The following SLC31A1 variants were observed in gnomAD, a reference collection of about 807,000 sequenced individuals.
SLC31A1 encodes solute carrier family 31 member 1.
A neutral mutation model predicts 17.2 loss-of-function variants in SLC31A1; 5 were observed. The observed-to-expected ratio is 0.29, with a 90% CI of 0.15 to 0.61. SLC31A1 has a LOEUF of 0.61. SLC31A1 is among the 20% of genes least tolerant of loss of function. The probability of loss-of-function intolerance (pLI) is 0.86; values close to 1 mark genes in which losing one functional copy is unlikely to be tolerated. For synonymous variants in SLC31A1, 76 were observed against 78.8 expected, an observed-to-expected ratio of 0.96 and a Z score of 0.19; for missense variants, 161 against 241.4, an observed-to-expected ratio of 0.67 and a Z score of 2.21.
Position 113,262,774 on chromosome 9 carries a change from T to G in SLC31A1, c.*2301T>G, listed in dbSNP as rs1831808315. On this transcript the variant is annotated 3_prime_UTR_variant, in exon 5 of 5. Transcript: ENST00000374212. Reference sequence around the variant, plus strand: ...CAAGGAGTCATAAAACCATGAGAAATAAATAGGAATCAATAGTTAGTAGTG... The same window carrying G: ...CAAGGAGTCATAAAACCATGAGAAAGAAATAGGAATCAATAGTTAGTAGTG... 6.6e-6 allele frequency: 1 copy of G among 152,524 alleles called. No homozygotes were observed. Among genetic ancestry groups the G allele is most frequent in the African/African-American group, 2.4e-5 (1 of 41,400 alleles). The allele number at this position is 152,524 out of a possible 1,614,324, so 9.4% of individuals were successfully genotyped here. A position where few individuals can be genotyped will look rare whatever the true frequency, so the allele number is the denominator to read the frequency against.
At position 113,258,774 on chromosome 9, in the gene SLC31A1, C is replaced by G; in HGVS notation, c.283C>G (p.Arg95Gly). Reference protein sequence around the residue: ...GLKIARESLLRKSQVSIRYNS... With the variant: ...GLKIARESLLGKSQVSIRYNS... ...CAAGATAGCCCGAGAGAGCCTGCTG[C>G]GTAAGTCACAAGTCAGCATTCGCTA... The change falls in exon 4 of 5, where the codon CGT becomes GGT. Residue 95 changes from arginine to glycine, a missense_variant. Coordinates refer to ENST00000374212, the MANE Select transcript of SLC31A1 (RefSeq NM_001859.4). This position sits in a 1 kb window ranked among gnomAD's most constrained non-coding sequence, Gnocchi z 4.8. The G allele has an allele frequency of 6.2e-7, 1 of 1,614,164 alleles. No individual in the cohort carries two copies. Among genetic ancestry groups the G allele is most frequent in the Non-Finnish European group, 8.5e-7 (1 of 1,180,004 alleles).
intron 1 of SLC31A1, among the ~76,000 whole-genome samples, chr9:113,225,502 C>A (rs10981695): frequency 6.6e-6 from 1 of 152,070 alleles, no homozygotes; most frequent in African/African-American, 2.4e-5. Context: ...TCTAATGGCC[C>A]CTAGAACATG....
At chr9:113,251,525 C>CTTAA (rs10679525) in intron 1 of SLC31A1, among the ~76,000 whole-genome samples, 22,270 of 151,926 alleles carry the variant, frequency 0.15, 1,883 homozygotes, top group East Asian at 0.33. Context: ...AGAAGCTGAG[C>CTTAA]TTAAGTCAGA....
intron 4 of SLC31A1, among the ~76,000 whole-genome samples, chr9:113,259,720 A>C (rs1831769442): frequency 6.6e-6 from 1 of 151,686 alleles, no homozygotes; most frequent in South Asian, 2.1e-4. Flanking sequence ...AAGTAGCTGG[A>C]ACTACAGGCA....
chr9:113,251,871 G>A (rs1188532372), intron 1 of SLC31A1, among the ~76,000 whole-genome samples: 2 of 152,154 alleles, frequency 1.3e-5, no homozygotes, highest in African/African-American at 2.4e-5. Context: ...TACAGTGTAT[G>A]TTTATATATT....
At chr9:113,239,992 C>T (rs562704381) in intron 1 of SLC31A1, among the ~76,000 whole-genome samples, 1 of 152,308 alleles carries the variant, frequency 6.6e-6, no homozygotes, top group Admixed American at 6.5e-5. Flanking sequence ...TTTCTTCTCT[C>T]GACTCAGGAA....
At chr9:113,244,944 C>A (rs1004312000) in intron 1 of SLC31A1, among the ~76,000 whole-genome samples, 1 of 152,010 alleles carries the variant, frequency 6.6e-6, no homozygotes, top group Admixed American at 6.6e-5. Flanking sequence ...TTCTTGTTGA[C>A]CTGACCTATT....
At position 113,258,689 on chromosome 9, in the gene SLC31A1, C is replaced by T; in HGVS notation, c.203-5C>T. 1 of 1,614,074 alleles carries T rather than the reference C, an allele frequency of 6.2e-7. No individual in the cohort carries two copies. Among genetic ancestry groups the T allele is most frequent in the Non-Finnish European group, 8.5e-7 (1 of 1,180,008 alleles). ...AGTACCTCCATATTTTCCTTCCATA[C>T]TTAGAAATGGCTGGAGCTTTTGTGG... is the stretch of plus-strand genomic sequence containing the variant. On this transcript the variant is annotated splice_region_variant and splice_polypyrimidine_tract_variant and intron_variant, in intron 3 of 4. Coordinates refer to ENST00000374212, the MANE Select transcript of SLC31A1 (RefSeq NM_001859.4). The surrounding 1 kb of genome is among the most constrained non-coding windows in gnomAD (Gnocchi z 4.8).
intron 1 of SLC31A1, among the ~76,000 whole-genome samples, chr9:113,231,437 A>T (rs1286602820): frequency 1.3e-5 from 2 of 151,920 alleles, no homozygotes; most frequent in Non-Finnish European, 2.9e-5. Context: ...AATGGTATGT[A>T]CCTATGTTCC....
chr9:113,234,973 T>C (rs764054495), intron 1 of SLC31A1, among the ~76,000 whole-genome samples: 2 of 152,056 alleles, frequency 1.3e-5, no homozygotes, highest in Non-Finnish European at 2.9e-5. Flanking sequence ...GGATAACAAA[T>C]AAAGCATGAT....
chr9:113,253,936 A>G (rs1831690616), intron 1 of SLC31A1, among the ~76,000 whole-genome samples: 3 of 150,364 alleles, frequency 2.0e-5, no homozygotes, highest in Admixed American at 6.7e-5. Flanking sequence ...CCCTGAATCT[A>G]TATAAATTTC....
chr9:113,258,539 C>T lies in SLC31A1; in HGVS notation c.203-155C>T, dbSNP rs1052943928. On this transcript the variant is annotated intron_variant, in intron 3 of 4. Transcript: ENST00000374212. The surrounding 1 kb of genome is among the most constrained non-coding windows in gnomAD (Gnocchi z 4.8). ...TAGTTTTCAGTTACACCATCTTAGC[C>T]GTTCTCCTATCTGAGCAAGAGAAGA... 1.3e-5 allele frequency among the ~76,000 whole-genome samples: 2 copies of T among 152,196 alleles called. No individual in the cohort carries two copies. Among genetic ancestry groups the T allele is most frequent in the African/African-American group, 2.4e-5 (1 of 41,450 alleles).
In SLC31A1 at chr9:113,239,841, C is replaced by T. The variant is rs180808353; in HGVS notation, c.-35-16273C>T. Among the ~76,000 whole-genome samples, 346 of 152,358 alleles carry T rather than the reference C, an allele frequency of 2.3e-3. 1 individual carries two copies. Among genetic ancestry groups the T allele is most frequent in the African/African-American group, 7.9e-3 (327 of 41,596 alleles). ...TCAAGTGATTCACCCTTCTTGGCCT[C>T]CCAAAGTGTTGGGATTACAGGCGTG... On this transcript the variant is annotated intron_variant, in intron 1 of 4. Coordinates refer to ENST00000374212, the MANE Select transcript of SLC31A1 (RefSeq NM_001859.4).
At chr9:113,230,664 C>T (rs1035468871) in intron 1 of SLC31A1, among the ~76,000 whole-genome samples, 1 of 152,128 alleles carries the variant, frequency 6.6e-6, no homozygotes, top group African/African-American at 2.4e-5. Flanking sequence ...TGGTGTTTAG[C>T]GTATACATCA....
chr9:113,248,472 T>TC (rs1831608996), intron 1 of SLC31A1, among the ~76,000 whole-genome samples: 1 of 145,970 alleles, frequency 6.9e-6, no homozygotes, highest in Admixed American at 6.8e-5. Flanking sequence ...CTTTTTTTTT[T>TC]TTTTTTTTTT....
chr9:113,243,470 C>G (rs565414025), intron 1 of SLC31A1, among the ~76,000 whole-genome samples: 1 of 151,970 alleles, frequency 6.6e-6, no homozygotes, highest in Non-Finnish European at 1.5e-5. Flanking sequence ...GTTTGAACAG[C>G]TTGATAAGCT....
intron 1 of SLC31A1, among the ~76,000 whole-genome samples, chr9:113,238,551 C>T (rs1032184308): frequency 2.0e-5 from 3 of 152,196 alleles, no homozygotes; most frequent in African/African-American, 4.8e-5. Flanking sequence ...CACCTGAGGT[C>T]AGGAGCTCAA....
chr9:113,231,732 T>A (rs1377172135), intron 1 of SLC31A1, among the ~76,000 whole-genome samples: 1 of 152,206 alleles, frequency 6.6e-6, no homozygotes, highest in East Asian at 1.9e-4. Flanking sequence ...AAGATCAAAG[T>A]GAATATTAGA....
intron 1 of SLC31A1, among the ~76,000 whole-genome samples, chr9:113,236,313 A>G (rs1219534480): frequency 6.6e-6 from 1 of 151,346 alleles, no homozygotes; most frequent in Non-Finnish European, 1.5e-5. Context: ...CATTTCGACA[A>G]GTCAAGTGTG....
Sources: allele counts gnomAD v4.1 joint callset (sites outside exome capture counted in the v4.1 genomes callset), GRCh38; gene constraint gnomAD v4.1.1; non-coding constraint Gnocchi (gnomAD v3.1); transcripts MANE v1.5; gene names NCBI Gene and HGNC (gene_info 2026-07-23, HGNC 2026-07-21).